The following FRY variants were observed in gnomAD, a reference collection of about 807,000 sequenced individuals.
FRY encodes protein furry homolog.
FRY carries 128 observed loss-of-function variants against 348.4 expected under a neutral mutation model. That is an observed-to-expected ratio of 0.37 (90% CI 0.32 to 0.43). The LOEUF (loss-of-function observed/expected upper bound fraction) is 0.43. FRY is among the 20% of genes least tolerant of loss of function. The probability of loss-of-function intolerance (pLI) is 1.00; values close to 1 mark genes in which losing one functional copy is unlikely to be tolerated. For missense variants in FRY, 2,736 were observed against 3,695.2 expected (o/e 0.74, Z 6.73); for synonymous variants, 1,370 against 1,374.7 (o/e 1.00, Z 0.08).
intron 58 of FRY, among the ~76,000 whole-genome samples, chr13:32,283,582 A>ACAGCGCATG (rs1443135072): frequency 6.6e-6 from 1 of 152,148 alleles, no homozygotes; most frequent in African/African-American, 2.4e-5. Context: ...TTGGAGGAAA[A>ACAGCGCATG]TTCTCAGCGC....
chr13:32,082,707 T>G (rs1302502934), intron 2 of FRY, among the ~76,000 whole-genome samples: 5 of 152,220 alleles, frequency 3.3e-5, no homozygotes, highest in Non-Finnish European at 7.4e-5. Context: ...TTATCAGTGA[T>G]GGTTCAGCTG....
chr13:32,221,640 G>T (rs1482144305), intron 36 of FRY, among the ~76,000 whole-genome samples: 1 of 152,176 alleles, frequency 6.6e-6, no homozygotes, highest in Non-Finnish European at 1.5e-5. Context: ...AGCCACCCTA[G>T]TAGCTAGGAC....
Position 32,201,701 on chromosome 13 carries a change from A to T in FRY, c.3747-240A>T, listed in dbSNP as rs571929849. ...GTGTCCCAGTATTTATGCATCAGATAGACTTTTGTGTTCTTTTATCCTGGT... is the reference window on the plus strand; with the variant it reads ...GTGTCCCAGTATTTATGCATCAGATTGACTTTTGTGTTCTTTTATCCTGGT... On this transcript the variant is annotated intron_variant, in intron 29 of 60. Transcript: ENST00000542859. Among the ~76,000 whole-genome samples the T allele has an allele frequency of 9.8e-5, 15 of 152,338 alleles. No individual in the cohort carries two copies. The South Asian group carries it at 3.1e-3, about 32-fold the overall frequency.
At chr13:32,145,453 A>T (rs1401502591) in intron 11 of FRY, among the ~76,000 whole-genome samples, 2 of 151,252 alleles carry the variant, frequency 1.3e-5, no homozygotes, top group Non-Finnish European at 2.9e-5. Context: ...ATGGAGTGAG[A>T]GTCAGAAGTA....
At chr13:32,147,441 T>C (rs1880525929) in intron 12 of FRY, 56 bp downstream of exon 12, 2 of 921,852 alleles carry the variant, frequency 2.2e-6, no homozygotes, top group African/African-American at 1.6e-5. Flanking sequence ...GCAGAGGGTG[T>C]TTCTTTTATT....
chr13:32,120,070 T>C (rs1325070602), intron 4 of FRY, among the ~76,000 whole-genome samples: 2 of 152,200 alleles, frequency 1.3e-5, no homozygotes, highest in Non-Finnish European at 2.9e-5. Context: ...TCTTGATTTA[T>C]TTTGAAAAGA....
chr13:32,240,063 C>T (rs1258781843), intron 46 of FRY, among the ~76,000 whole-genome samples, 182 bp downstream of exon 46: 1 of 152,116 alleles, frequency 6.6e-6, no homozygotes, highest in Admixed American at 6.5e-5. Context: ...ATTATAGCTT[C>T]CAAGGGTAAA....
At chr13:32,178,708 C>A in intron 21 of FRY, 136 bp from the exon 22 acceptor site, 1 of 725,372 alleles carries the variant, frequency 1.4e-6, no homozygotes, top group South Asian at 1.6e-5. Context: ...TCATCCAATG[C>A]AGATACTCTT....
intron 1 of FRY, among the ~76,000 whole-genome samples, chr13:32,042,833 T>C (rs1270618148): frequency 1.3e-5 from 2 of 152,226 alleles, no homozygotes; most frequent in African/African-American, 4.8e-5. Context: ...AGATGAATCA[T>C]GGTTCAGGCC....
chr13:32,262,522 T>TA (rs547207428), intron 53 of FRY, 47 bp downstream of exon 53: 5,988 of 1,403,816 alleles, frequency 4.3e-3, no homozygotes, highest in Non-Finnish European at 4.9e-3. Flanking sequence ...TTAAAACCCT[T>TA]AAAAAAAAAC....
At chr13:32,277,260 C>T (rs1349795292) in intron 57 of FRY, among the ~76,000 whole-genome samples, 2 of 152,166 alleles carry the variant, frequency 1.3e-5, no homozygotes, top group African/African-American at 2.4e-5. Context: ...AGTTATTTAA[C>T]GGTTAGTGAC....
chr13:32,039,142 C>T (rs972656134), intron 1 of FRY, among the ~76,000 whole-genome samples: 1 of 152,174 alleles, frequency 6.6e-6, no homozygotes, highest in African/African-American at 2.4e-5. Context: ...ACTTTCACTA[C>T]ATCAGAGAAC....
At chr13:32,054,670 A>G (rs1873526256) in intron 1 of FRY, among the ~76,000 whole-genome samples, 1 of 152,008 alleles carries the variant, frequency 6.6e-6, no homozygotes, top group Non-Finnish European at 1.5e-5. Flanking sequence ...TCAGGAGATC[A>G]AGACCATCCT....
chr13:32,216,185 T>A (rs1222573624), intron 35 of FRY, among the ~76,000 whole-genome samples: 1 of 152,200 alleles, frequency 6.6e-6, no homozygotes, highest in Non-Finnish European at 1.5e-5. Context: ...GTACCTTTGA[T>A]GTTAAAAGAC....
intron 13 of FRY, among the ~76,000 whole-genome samples, chr13:32,148,754 G>A (rs538670750): frequency 6.6e-6 from 1 of 152,312 alleles, no homozygotes; most frequent in South Asian, 2.1e-4. Flanking sequence ...TAATGGGCAT[G>A]AAAGTACTGT....
At chr13:32,273,947 A>G (rs562200965) in intron 55 of FRY, among the ~76,000 whole-genome samples, 1 of 152,206 alleles carries the variant, frequency 6.6e-6, no homozygotes, top group Non-Finnish European at 1.5e-5. Flanking sequence ...TTTGAGTGCC[A>G]ATGTGACACT....
At chr13:32,036,835 G>T (rs1337990315) in intron 1 of FRY, among the ~76,000 whole-genome samples, 1 of 152,038 alleles carries the variant, frequency 6.6e-6, no homozygotes, top group Non-Finnish European at 1.5e-5. Context: ...CCCCAGTCCA[G>T]GTGATAATTG....
intron 2 of FRY, among the ~76,000 whole-genome samples, chr13:32,084,859 G>A (rs917619728): frequency 3.3e-5 from 5 of 150,808 alleles, no homozygotes; most frequent in Non-Finnish European, 7.4e-5. Context: ...ATATCTGTGT[G>A]GGATGCATCT....
At chr13:32,032,996 A>G (rs904758877) in intron 1 of FRY, among the ~76,000 whole-genome samples, 2 of 152,170 alleles carry the variant, frequency 1.3e-5, no homozygotes, top group East Asian at 3.8e-4. Context: ...GAAAAGAGCT[A>G]AAGTACCTTC....
Sources: allele counts gnomAD v4.1 joint callset (sites outside exome capture counted in the v4.1 genomes callset), GRCh38; gene constraint gnomAD v4.1.1; transcripts MANE v1.5; gene names NCBI Gene and HGNC (gene_info 2026-07-23, HGNC 2026-07-21).